Variants in ZNF608 observed in about 807,000 individuals in gnomAD.
ZNF608 encodes the protein renal carcinoma antigen NY-REN-36.
In ZNF608, 12 loss-of-function variants were observed where a neutral mutation model predicts 109.0. That is an observed-to-expected ratio of 0.11 (90% CI 0.07 to 0.18). ZNF608 has a LOEUF of 0.18. Ranked by LOEUF, ZNF608 falls within the 10% of genes least tolerant of loss-of-function variation. ZNF608 has a pLI of 1.00. For missense variants in ZNF608, 1,707 were observed against 1,879.3 expected (o/e 0.91, Z 1.70); for synonymous variants, 732 against 717.4 (o/e 1.02, Z -0.33).
Position 124,639,165 on chromosome 5 carries a change from T to G in ZNF608, c.4500A>C (p.Ala1500=), listed in dbSNP as rs772952233. The G allele has an allele frequency of 6.2e-7, 1 of 1,614,224 alleles. No individual in the cohort carries two copies. The change falls in exon 9 of 10, where the codon GCA becomes GCC. Residue 1500 remains alanine (A), a synonymous_variant. Transcript: ENST00000513986. ...GTCCAGGAAACATTCCAGATGCAGA[T>G]GCCTGGGCAGCCACCTGCTGAGAGG... ...LVASQQVAAQ[A]SASGMFPGQR... is the part of the protein sequence containing the mutation.
At chr5:124,638,311 C>T (rs1257064571) in intron 9 of ZNF608, among the ~76,000 whole-genome samples, 2 of 151,630 alleles carry the variant, frequency 1.3e-5, no homozygotes, top group East Asian at 3.9e-4. Context: ...GGCTGGAATG[C>T]AATGGTGCAA....
chr5:124,678,209 A>G (rs566055489), intron 3 of ZNF608, among the ~76,000 whole-genome samples: 1 of 152,270 alleles, frequency 6.6e-6, no homozygotes, highest in East Asian at 1.9e-4. Flanking sequence ...TCCACCACCA[A>G]AAAAGGAAAG....
At chr5:124,684,591 G>A (rs188771350) in intron 3 of ZNF608, among the ~76,000 whole-genome samples, 43 of 152,260 alleles carry the variant, frequency 2.8e-4, no homozygotes, top group Admixed American at 4.6e-4. Context: ...AGGAGAGGAC[G>A]CAACAGCAGG....
At chr5:124,643,466 T>G in intron 7 of ZNF608, 45 bp downstream of exon 7, 1 of 1,584,938 alleles carries the variant, frequency 6.3e-7, no homozygotes, top group South Asian at 1.1e-5. Flanking sequence ...TTCCCCTTTC[T>G]CCCCAAATCA....
chr5:124,716,493 G>A (rs568469662), intron 2 of ZNF608, among the ~76,000 whole-genome samples: 1 of 152,272 alleles, frequency 6.6e-6, no homozygotes, highest in African/African-American at 2.4e-5. Context: ...CTAGGAAAAA[G>A]TAGTGCTCAT....
At chr5:124,677,815 C>T (rs1243184599) in intron 3 of ZNF608, among the ~76,000 whole-genome samples, 1 of 152,158 alleles carries the variant, frequency 6.6e-6, no homozygotes, top group Non-Finnish European at 1.5e-5. Context: ...AAAGCTAGCT[C>T]AAATGCCTCT....
At chr5:124,654,271 G>A (rs190691816) in intron 3 of ZNF608, among the ~76,000 whole-genome samples, 116 of 151,746 alleles carry the variant, frequency 7.6e-4, no homozygotes, top group East Asian at 3.5e-3. Flanking sequence ...ATCCTCCCCC[G>A]TCAGCCTCCC....
At chr5:124,663,954 C>A (rs753020292) in intron 3 of ZNF608, among the ~76,000 whole-genome samples, 1 of 152,144 alleles carries the variant, frequency 6.6e-6, no homozygotes, top group African/African-American at 2.4e-5. Context: ...TTGCAATTAA[C>A]CTTTTCCCTT....
At chr5:124,653,036 T>G (rs1750860479) in intron 3 of ZNF608, among the ~76,000 whole-genome samples, 1 of 152,212 alleles carries the variant, frequency 6.6e-6, no homozygotes, top group African/African-American at 2.4e-5. Flanking sequence ...ACCAGGTTTA[T>G]TATTCTTCCC....
Position 124,639,283 on chromosome 5 carries a change from G to C in ZNF608, c.4451-69C>G. 2.2e-6 allele frequency: 3 copies of C among 1,377,254 alleles called. No individual in the cohort carries two copies. The South Asian group carries it at 3.5e-5, about 16-fold the overall frequency. The allele number at this position is 1,377,254 out of a possible 1,614,324, so 85.3% of individuals were successfully genotyped here. Reference sequence around the variant, plus strand: ...TAAGAGTAGATACAGGCCCAGTGGAGAAGGGCCGCAGACCTAGTAGCAGCA... The same window carrying C: ...TAAGAGTAGATACAGGCCCAGTGGACAAGGGCCGCAGACCTAGTAGCAGCA... On this transcript the variant is annotated intron_variant, in intron 8 of 9. Transcript: ENST00000513986.
intron 2 of ZNF608, among the ~76,000 whole-genome samples, chr5:124,735,941 C>T (rs1489666850): frequency 6.6e-6 from 1 of 152,086 alleles, no homozygotes; most frequent in Non-Finnish European, 1.5e-5. Flanking sequence ...GGGATAAAAT[C>T]TAGCTGCAGC....
chr5:124,688,148 C>T (rs1752474848), intron 3 of ZNF608, among the ~76,000 whole-genome samples: 1 of 152,030 alleles, frequency 6.6e-6, no homozygotes, highest in Non-Finnish European at 1.5e-5. Flanking sequence ...TAATTTTCTC[C>T]CTTGAGTGTT....
Position 124,696,409 on chromosome 5 carries a change from G to A in ZNF608, c.1162+4605C>T, listed in dbSNP as rs141307050. ...GTTGCCCTTTGTATTTTCATTGCCC[G>A]CCAAAAACTCTGATTCTCTCAGCAC... On this transcript the variant is annotated intron_variant, in intron 3 of 9. Transcript: ENST00000513986. Among the ~76,000 whole-genome samples the A allele has an allele frequency of 8.5e-4, 130 of 152,132 alleles. No homozygotes were observed. The East Asian group carries it at 0.02, about 24-fold the overall frequency.
chr5:124,685,902 G>A (rs191361993), intron 3 of ZNF608, among the ~76,000 whole-genome samples: 111 of 152,268 alleles, frequency 7.3e-4, no homozygotes, highest in African/African-American at 2.6e-3. Flanking sequence ...AAATATAGAT[G>A]GTGATGCTAA....
chr5:124,727,961 A>G (rs1748694357), intron 2 of ZNF608, among the ~76,000 whole-genome samples: 1 of 151,950 alleles, frequency 6.6e-6, no homozygotes, highest in Admixed American at 6.6e-5. Context: ...CTGGTCTCGA[A>G]CTCTCGACCT....
At chr5:124,677,855 T>C (rs898992607) in intron 3 of ZNF608, among the ~76,000 whole-genome samples, 6 of 152,098 alleles carry the variant, frequency 3.9e-5, no homozygotes, top group African/African-American at 1.4e-4. Context: ...AACACCACCC[T>C]TGCCCAGCAC....
Position 124,744,516 on chromosome 5 carries a change from G to A in ZNF608, c.474C>T (p.Ser158=). The A allele has an allele frequency of 6.2e-7, 1 of 1,614,222 alleles. No individual in the cohort carries two copies. Among genetic ancestry groups the A allele is most frequent in the Non-Finnish European group, 8.5e-7 (1 of 1,180,046 alleles). The part of the protein sequence containing the change: ...GMNSALGQSV[S]SGGSGNPNSN... ...TGTTTGGGTTGCCGCTGCCGCCGCT[G>A]CTCACACTTTGACCCAGCGCTGAAT... Residue 158 remains serine, a synonymous_variant, in exon 2 of 10, where the codon AGC becomes AGT. Transcript: ENST00000513986. This position sits in a 1 kb window ranked among gnomAD's most constrained non-coding sequence, Gnocchi z 4.5.
intron 3 of ZNF608, among the ~76,000 whole-genome samples, chr5:124,680,868 C>T (rs375701498): frequency 2.0e-5 from 3 of 151,670 alleles, no homozygotes; most frequent in Non-Finnish European, 2.9e-5. Context: ...AAATAAAAAG[C>T]GCTTAGAAAT....
chr5:124,699,379 C>T (rs1004536265), intron 3 of ZNF608, among the ~76,000 whole-genome samples: 2 of 152,174 alleles, frequency 1.3e-5, no homozygotes, highest in African/African-American at 4.8e-5. Flanking sequence ...ACATCAGTTC[C>T]TCCCAATGTG....
Sources: gnomAD v4.1 joint callset for allele counts (sites outside exome capture counted in the v4.1 genomes callset) on GRCh38, gnomAD v4.1.1 for gene constraint, Gnocchi (gnomAD v3.1) non-coding constraint, MANE v1.5 for transcripts, NCBI Gene and HGNC (gene_info 2026-07-23, HGNC 2026-07-21) for gene names.